Variants in RAPGEF2 observed in about 807,000 individuals in gnomAD.
The protein encoded by RAPGEF2 is Rap guanine nucleotide exchange factor 2.
In RAPGEF2, 54 loss-of-function variants were observed where a neutral mutation model predicts 186.7. That is an observed-to-expected ratio of 0.29 (90% CI 0.23 to 0.36). The LOEUF (loss-of-function observed/expected upper bound fraction) is 0.36. Ranked by LOEUF, RAPGEF2 falls within the 10% of genes least tolerant of loss-of-function variation. RAPGEF2 has a pLI of 1.00. For missense variants in RAPGEF2, 1,532 were observed against 2,045.0 expected (o/e 0.75, Z 4.84); for synonymous variants, 712 against 705.9 (o/e 1.01, Z -0.14).
intron 7 of RAPGEF2, among the ~76,000 whole-genome samples, chr4:159,282,352 A>T (rs1253259607): frequency 6.6e-6 from 1 of 152,230 alleles, no homozygotes; most frequent in Non-Finnish European, 1.5e-5. Flanking sequence ...CATAATTGAT[A>T]TGAAAAATTT....
intron 1 of RAPGEF2, among the ~76,000 whole-genome samples, chr4:159,120,595 CAGTT>C (rs1164580805): frequency 3.9e-5 from 6 of 152,160 alleles, no homozygotes; most frequent in South Asian, 2.1e-4. Context: ...GTAGTGGGAT[CAGTT>C]AAACAATTTC....
At position 159,331,471 on chromosome 4, in the gene RAPGEF2, A is replaced by T. The variant is rs577129432; in HGVS notation, c.1508A>T (p.Asn503Ile). 6.2e-7 allele frequency: 1 copy of T among 1,613,338 alleles called. No individual in the cohort carries two copies. Among genetic ancestry groups the T allele is most frequent in the Non-Finnish European group, 8.5e-7 (1 of 1,179,352 alleles). Reference sequence around the variant, plus strand: ...TTATTGTGGGTAAATAATCACTTCAATGACTTTGAAGGAGATCCTGCAATG... The same window carrying T: ...TTATTGTGGGTAAATAATCACTTCATTGACTTTGAAGGAGATCCTGCAATG... ...VVLLWVNNHF[N>I]DFEGDPAMTR... The change falls in exon 14 of 30, where the codon AAT becomes ATT. Residue 503 changes from asparagine (N) to isoleucine (I), a missense_variant. Around this residue, in one of 4 missense-constraint regions of RAPGEF2, gnomAD observed 810 missense variants for 1,210.5 expected, o/e 0.67. Coordinates refer to ENST00000691494, the MANE Select transcript of RAPGEF2 (RefSeq NM_001394067.2).
chr4:159,197,407 T>C lies in RAPGEF2; in HGVS notation c.197+4151T>C, dbSNP rs146331469. ...AACCTTTGGATCAGAAATTCAACCA[T>C]TGCAAAAGTTTAAGTGTCCACACAC... is the stretch of plus-strand genomic sequence containing the variant. On this transcript the variant is annotated intron_variant, in intron 3 of 29. Transcript: ENST00000691494. Among the ~76,000 whole-genome samples the C allele has an allele frequency of 9.9e-3, 1,423 of 143,062 alleles. 27 individuals are homozygous for C. The highest frequency in any genetic ancestry group is 0.037 in the African/African-American group (1,319 of 35,784). The allele number at this position is 143,062 out of a possible 152,430, so 93.9% of individuals were successfully genotyped here. A position where few individuals can be genotyped will look rare whatever the true frequency, so the allele number is the denominator to read the frequency against.
intron 26 of RAPGEF2, chr4:159,350,961 G>A (rs1366207366): frequency 7.5e-7 from 1 of 1,327,138 alleles, no homozygotes; most frequent in African/African-American, 1.5e-5. Context: ...GCTTTACTTG[G>A]TAGATATTTC....
chr4:159,283,712 A>G lies in RAPGEF2; in HGVS notation c.544-20630A>G, dbSNP rs144721869. Among the ~76,000 whole-genome samples the G allele has an allele frequency of 2.7e-3, 405 of 152,316 alleles. 1 individual carries two copies. The highest frequency in any genetic ancestry group is 9.5e-3 in the African/African-American group (393 of 41,570). On this transcript the variant is annotated intron_variant, in intron 7 of 29. Transcript: ENST00000691494. ...TTAATATATTGAAGGATCAAACAAG[A>G]TATTTTTATAGTATGAAAAACAGAA...
intron 7 of RAPGEF2, among the ~76,000 whole-genome samples, chr4:159,300,534 T>C (rs915604721): frequency 6.6e-6 from 1 of 152,134 alleles, no homozygotes; most frequent in Non-Finnish European, 1.5e-5. Context: ...GGGAAATACA[T>C]TGGTATTAAA....
chr4:159,267,415 C>G (rs1006038673), intron 7 of RAPGEF2: 1 of 981,570 alleles, frequency 1.0e-6, no homozygotes, highest in African/African-American at 1.7e-5. Context: ...CTCTTGCTAG[C>G]AGGCATGCTT....
chr4:159,146,159 A>G (rs1057508816), intron 1 of RAPGEF2, among the ~76,000 whole-genome samples: 5 of 152,148 alleles, frequency 3.3e-5, no homozygotes, highest in African/African-American at 1.2e-4. Context: ...TCATTGTTAT[A>G]TAATTCTATG....
intron 1 of RAPGEF2, among the ~76,000 whole-genome samples, chr4:159,135,943 C>T (rs1262037368): frequency 2.6e-5 from 4 of 152,232 alleles, no homozygotes; most frequent in Admixed American, 2.6e-4. Flanking sequence ...AGAAAAATTG[C>T]CAAAATAGTA....
At chr4:159,271,882 C>T (rs1579701524) in intron 7 of RAPGEF2, among the ~76,000 whole-genome samples, 1 of 152,300 alleles carries the variant, frequency 6.6e-6, no homozygotes, top group East Asian at 1.9e-4. Flanking sequence ...ATTTTGAAAT[C>T]ATGTTGAGAC....
intron 2 of RAPGEF2, among the ~76,000 whole-genome samples, chr4:159,187,755 A>AAT (rs1479724232): frequency 6.6e-6 from 1 of 152,198 alleles, no homozygotes; most frequent in East Asian, 1.9e-4. Context: ...GAAGATGGAT[A>AAT]ATATATAAAC....
intron 7 of RAPGEF2, among the ~76,000 whole-genome samples, chr4:159,284,210 A>G (rs12507095): frequency 0.3 from 46,348 of 151,970 alleles, 7,915 homozygotes; most frequent in Non-Finnish European, 0.39. Flanking sequence ...TCCCCAATCA[A>G]TGGAGAAAAG....
intron 1 of RAPGEF2, among the ~76,000 whole-genome samples, chr4:159,137,709 CAAAAAA>C (rs35501594): frequency 8.2e-6 from 1 of 122,212 alleles, no homozygotes; most frequent in Non-Finnish European, 1.6e-5. Context: ...AAAATAAATG[CAAAAAA>C]AAAAAAAAAA....
Position 159,329,840 on chromosome 4 carries a change from A to G in RAPGEF2, c.1150-18A>G. The G allele has an allele frequency of 4.4e-6, 7 of 1,603,388 alleles. No homozygotes were observed. The highest frequency in any genetic ancestry group is 6.0e-6 in the Non-Finnish European group (7 of 1,174,164). On this transcript the variant is annotated intron_variant, in intron 11 of 29. Coordinates refer to ENST00000691494, the MANE Select transcript of RAPGEF2 (RefSeq NM_001394067.2). ...GCAAGCACTTTATCATTAACATGTG[A>G]CTTATGTTTTATTCCAGTTTGTCTG...
chr4:159,219,021 G>C (rs1751255137), intron 4 of RAPGEF2, among the ~76,000 whole-genome samples: 1 of 152,170 alleles, frequency 6.6e-6, no homozygotes, highest in African/African-American at 2.4e-5. Context: ...TTTGATCTAT[G>C]CATATATGTA....
intron 1 of RAPGEF2, among the ~76,000 whole-genome samples, chr4:159,105,251 G>C (rs193277775): frequency 2.0e-5 from 3 of 152,196 alleles, no homozygotes; most frequent in Admixed American, 6.5e-5. Context: ...AGACAAATAA[G>C]CCCTCCTGAT....
At chr4:159,144,023 G>A (rs1334779241) in intron 1 of RAPGEF2, among the ~76,000 whole-genome samples, 1 of 152,058 alleles carries the variant, frequency 6.6e-6, no homozygotes, top group Non-Finnish European at 1.5e-5. Flanking sequence ...CTGTCTATGT[G>A]TATATGTCTG....
chr4:159,143,162 C>T (rs977666016), intron 1 of RAPGEF2, among the ~76,000 whole-genome samples: 1 of 151,932 alleles, frequency 6.6e-6, no homozygotes, highest in Non-Finnish European at 1.5e-5. Flanking sequence ...CTCAGGAGTT[C>T]CAGGCTGTAT....
At chr4:159,231,463 A>C (rs1752640382) in intron 4 of RAPGEF2, among the ~76,000 whole-genome samples, 1 of 152,110 alleles carries the variant, frequency 6.6e-6, no homozygotes, top group Non-Finnish European at 1.5e-5. Context: ...TTCTCACATG[A>C]ATCATATATC....
Sources: allele counts gnomAD v4.1 joint callset (sites outside exome capture counted in the v4.1 genomes callset), GRCh38; gene constraint gnomAD v4.1.1; regional missense constraint gnomAD v4.1.1; transcripts MANE v1.5; gene names NCBI Gene and HGNC (gene_info 2026-07-23, HGNC 2026-07-21).